Variants in LINGO2 observed in about 807,000 individuals in gnomAD.
LINGO2 encodes leucine-rich repeat and immunoglobulin-like domain-containing nogo receptor-interacting protein 2.
In LINGO2, 14 loss-of-function variants were observed where a neutral mutation model predicts 30.6. The ratio of observed to expected loss-of-function variants is 0.46; its 90% CI spans 0.30 to 0.72. LINGO2 has a LOEUF of 0.72. LINGO2 is among the 30% of genes least tolerant of loss of function. LINGO2 has a pLI of 0.07. For missense variants in LINGO2, 729 were observed against 751.7 expected (o/e 0.97, Z 0.35); for synonymous variants, 317 against 288.5 (o/e 1.10, Z -1.00).
chr9:28,052,923 A>C (rs1824743217), intron 4 of LINGO2, among the ~76,000 whole-genome samples: 1 of 152,022 alleles, frequency 6.6e-6, no homozygotes, highest in Admixed American at 6.6e-5. Flanking sequence ...GTACAAGTAA[A>C]AATCTGTATT....
rs899185393 is a variant in LINGO2 at position 28,479,957 on chromosome 9, G to C, written c.-364-3932C>G. Among the ~76,000 whole-genome samples the C allele has an allele frequency of 1.9e-4, 10 of 52,694 alleles. No individual in the cohort carries two copies. The South Asian group carries it at 6.1e-3, about 32-fold the overall frequency. The allele number at this position is 52,694 out of a possible 152,430, so 34.6% of individuals were successfully genotyped here. ...TATATATATATATATATATATATAT[G>C]TACATTTTGAGAGAAACTTAAATAG... is the stretch of plus-strand genomic sequence containing the variant. On this transcript the variant is annotated intron_variant, in intron 1 of 5. Coordinates refer to ENST00000379992, the Ensembl canonical transcript of LINGO2.
chr9:27,958,113 T>G (rs563181162), intron 5 of LINGO2, among the ~76,000 whole-genome samples: 1 of 152,250 alleles, frequency 6.6e-6, no homozygotes, highest in East Asian at 1.9e-4. Context: ...TCATTAAGAT[T>G]GGGAAGTGTT....
intron 4 of LINGO2, among the ~76,000 whole-genome samples, chr9:28,213,745 T>C (rs1341838332): frequency 6.6e-6 from 1 of 151,490 alleles, no homozygotes; most frequent in Non-Finnish European, 1.5e-5. Context: ...ATATTCTCAG[T>C]GGTTATATAT....
At chr9:28,394,782 A>T (rs76160644) in intron 2 of LINGO2, among the ~76,000 whole-genome samples, 1 of 152,196 alleles carries the variant, frequency 6.6e-6, no homozygotes, top group Non-Finnish European at 1.5e-5. Context: ...TCCTCTGTGA[A>T]GGAAATAATC....
chr9:28,944,699 C>A, the LINGO2 span, among the ~76,000 whole-genome samples: 889 of 152,264 alleles, frequency 5.8e-3, 12 homozygotes, highest in African/African-American at 0.02. Context: ...AGCCACCACA[C>A]CTGGCCGCTT....
intron 4 of LINGO2, among the ~76,000 whole-genome samples, chr9:28,282,301 GGGTGAGACAATGATAAGTAAT>G (rs1229246717): frequency 6.6e-6 from 1 of 152,096 alleles, no homozygotes; most frequent in African/African-American, 2.4e-5. Flanking sequence ...TGATAAGTGA[GGGTGAGACAATGATAAGTAAT>G]GGTGAGACAA....
chr9:28,645,047 G>C (rs968779288), intron 1 of LINGO2, among the ~76,000 whole-genome samples: 9 of 152,040 alleles, frequency 5.9e-5, no homozygotes, highest in African/African-American at 2.2e-4. Flanking sequence ...GAGAGTATCT[G>C]TTAGTTTGAT....
At chr9:28,429,242 T>C (rs1459943644) in intron 2 of LINGO2, among the ~76,000 whole-genome samples, 1 of 152,220 alleles carries the variant, frequency 6.6e-6, no homozygotes, top group Non-Finnish European at 1.5e-5. Flanking sequence ...AAAGACACTG[T>C]GCATTAATAA....
intron 4 of LINGO2, among the ~76,000 whole-genome samples, chr9:28,276,764 G>A (rs1455144296): frequency 6.6e-6 from 1 of 152,078 alleles, no homozygotes; most frequent in Non-Finnish European, 1.5e-5. Flanking sequence ...ATATTCCTGA[G>A]CTACAGGGGG....
At chr9:28,371,528 A>C (rs1820896024) in intron 3 of LINGO2, among the ~76,000 whole-genome samples, 1 of 152,116 alleles carries the variant, frequency 6.6e-6, no homozygotes. Context: ...CATGAACCTA[A>C]TCATTTCCCA....
intron 4 of LINGO2, among the ~76,000 whole-genome samples, chr9:28,227,938 T>C (rs925261556): frequency 1.2e-4 from 18 of 152,054 alleles, no homozygotes; most frequent in Non-Finnish European, 2.9e-5. Flanking sequence ...TAATACACTA[T>C]TTATTAATTA....
At chr9:29,024,310 T>C in the LINGO2 span, among the ~76,000 whole-genome samples, 1 of 152,130 alleles carries the variant, frequency 6.6e-6, no homozygotes, top group Non-Finnish European at 1.5e-5. Context: ...TGGCTACCTG[T>C]ATTCACAGCA....
chr9:27,981,571 A>AAAAAAAAAAAAAAAAAAAAG (rs1820876000), intron 5 of LINGO2, among the ~76,000 whole-genome samples: 6 of 74,232 alleles, frequency 8.1e-5, no homozygotes, highest in African/African-American at 1.1e-4. Context: ...AAAAAAAAAG[A>AAAAAAAAAAAAAAAAAAAAG]AAAAAAAAAG....
the LINGO2 span, among the ~76,000 whole-genome samples, chr9:29,185,570 A>C: frequency 6.6e-6 from 1 of 152,198 alleles, no homozygotes; most frequent in Non-Finnish European, 1.5e-5. Context: ...AAAAGAAAAA[A>C]ATCAATTTAC....
In LINGO2 at chr9:28,311,997, A is replaced by G. The variant is rs1464814752; in HGVS notation, c.-245-16631T>C. Among the ~76,000 whole-genome samples, 4 of 152,166 alleles carry G rather than the reference A, an allele frequency of 2.6e-5. No homozygotes were observed. The East Asian group carries it at 7.7e-4, about 29-fold the overall frequency. On this transcript the variant is annotated intron_variant, in intron 3 of 5. Transcript: ENST00000379992. ...AATAAATGTCCATGAAATCTTCACA[A>G]TTTATGTTCTTCTGCCATGGCTTCA...
intron 2 of LINGO2, among the ~76,000 whole-genome samples, chr9:28,445,755 T>G (rs181571507): frequency 4.4e-3 from 668 of 152,290 alleles, no homozygotes; most frequent in Admixed American, 7.2e-3. Context: ...AAATTGCACC[T>G]GATTCTGCCT....
At chr9:27,948,914 G>T in exon 6 of LINGO2, 3 of 1,613,944 alleles carry the variant, frequency 1.9e-6, no homozygotes, top group Non-Finnish European at 2.5e-6. Flanking sequence ...CAGCACCATT[G>T]TTTTTTCTGG....
chr9:28,096,621 A>C (rs1247816363), intron 4 of LINGO2, among the ~76,000 whole-genome samples: 1 of 150,144 alleles, frequency 6.7e-6, no homozygotes, highest in Non-Finnish European at 1.5e-5. Context: ...TCACTTACCC[A>C]CCCACCTACC....
chr9:28,961,387 G>A, the LINGO2 span, among the ~76,000 whole-genome samples: 1 of 152,056 alleles, frequency 6.6e-6, no homozygotes, highest in African/African-American at 2.4e-5. Flanking sequence ...CATAGCCAGG[G>A]AATAACTTGT....
Sources: gnomAD v4.1 joint callset for allele counts (sites outside exome capture counted in the v4.1 genomes callset) on GRCh38, gnomAD v4.1.1 for gene constraint, MANE v1.5 for transcripts, NCBI Gene and HGNC (gene_info 2026-07-23, HGNC 2026-07-21) for gene names.